USP36: variants seen among roughly 807,000 people sequenced by gnomAD.
USP36 encodes the protein ubiquitin carboxyl-terminal hydrolase 36.
A neutral mutation model predicts 111.5 loss-of-function variants in USP36; 59 were observed. The ratio of observed to expected loss-of-function variants is 0.53; its 90% CI spans 0.43 to 0.66. USP36 has a LOEUF of 0.66. Among genes scored for constraint, USP36 ranks in the 30% least tolerant of loss-of-function variants. The pLI, the probability that USP36 is intolerant of heterozygous loss-of-function variation, is 0.00. For missense variants in USP36, 1,488 were observed against 1,468.0 expected, an observed-to-expected ratio of 1.01 and a Z score of -0.22; for synonymous variants, 628 against 581.0, an observed-to-expected ratio of 1.08 and a Z score of -1.16.
intron 10 of USP36, among the ~76,000 whole-genome samples, chr17:78,815,908 A>ACATGCATACG (rs1490149762): frequency 6.6e-6 from 1 of 152,126 alleles, no homozygotes; most frequent in Non-Finnish European, 1.5e-5. Flanking sequence ...ATGCACGCAC[A>ACATGCATACG]CATGCATACG....
At chr17:78,810,215 C>T (rs1362707639) in intron 13 of USP36, among the ~76,000 whole-genome samples, 3 of 152,096 alleles carry the variant, frequency 2.0e-5, no homozygotes, top group Admixed American at 6.6e-5. Flanking sequence ...CTCAACCTCC[C>T]GGGTTCAAGT....
intron 14 of USP36, 148 bp from the exon 15 acceptor site, chr17:78,806,434 G>A: frequency 1.0e-6 from 1 of 998,156 alleles, no homozygotes. Context: ...AAAAGGGGAG[G>A]TGAGGGGCAG....
At chr17:78,821,648 G>A (rs2094334576) in intron 7 of USP36, among the ~76,000 whole-genome samples, 1 of 151,782 alleles carries the variant, frequency 6.6e-6, no homozygotes, top group African/African-American at 2.4e-5. Context: ...TGGTTGGCCA[G>A]GCTGGCCTCG....
intron 13 of USP36, 100 bp downstream of exon 13, chr17:78,812,760 C>T: frequency 7.6e-7 from 1 of 1,317,680 alleles, no homozygotes; most frequent in Non-Finnish European, 1.1e-6. Context: ...GTGCAAACTG[C>T]CTGCAAATTC....
rs2279308 is a variant in USP36, at chr17:78,798,899, A to G, written c.3240+9T>C. On this transcript the variant is annotated intron_variant, in intron 19 of 20. Coordinates refer to ENST00000449938, the MANE Select transcript of USP36 (RefSeq NM_001385174.1). The surrounding 1 kb of genome is among the most constrained non-coding windows in gnomAD (Gnocchi z 5.1). ...CCCTCAAGCCTGTGGTCAGCATCAC[A>G]CATCATACCTTCCCTCGGTCAAACT... 0.57 allele frequency: 922,426 copies of G among 1,613,272 alleles called. 265,255 individuals carry two copies. Among genetic ancestry groups the G allele is most frequent in the East Asian group, 0.61 (27,518 of 44,844 alleles).
intron 13 of USP36, 133 bp downstream of exon 13, chr17:78,812,727 A>G (rs1466547592): frequency 2.3e-6 from 2 of 861,990 alleles, no homozygotes; most frequent in Non-Finnish European, 3.3e-6. Flanking sequence ...AAGAAAAGAA[A>G]AGAAATAACA....
intron 7 of USP36, 41 bp downstream of exon 7, chr17:78,821,896 T>G (rs9910933): frequency 6.2e-7 from 1 of 1,611,492 alleles, no homozygotes; most frequent in South Asian, 1.1e-5. Context: ...GTTCATGTTC[T>G]AATCCTGGCA....
chr17:78,820,353 T>C (rs964334455), intron 8 of USP36, among the ~76,000 whole-genome samples: 4 of 152,130 alleles, frequency 2.6e-5, no homozygotes, highest in African/African-American at 9.7e-5. Context: ...GGTGCATGCC[T>C]GTAGTACCAG....
chr17:78,799,333 A>G (rs1286600139), intron 18 of USP36, among the ~76,000 whole-genome samples: 1 of 152,202 alleles, frequency 6.6e-6, no homozygotes, highest in African/African-American at 2.4e-5. Context: ...GAATAAAAAC[A>G]TGCTCTGAGC....
chr17:78,789,300 C>T (rs1017723423), intron 3 of USP36, among the ~76,000 whole-genome samples: 6 of 151,362 alleles, frequency 4.0e-5, no homozygotes, highest in South Asian at 4.2e-4. Flanking sequence ...TGAGACCAAG[C>T]GAAAGGTATG....
downstream of USP36, among the ~76,000 whole-genome samples, chr17:78,795,260 T>C (rs2093613174): frequency 6.6e-6 from 1 of 152,198 alleles, no homozygotes; most frequent in Non-Finnish European, 1.5e-5. The surrounding 1 kb of genome is among the most constrained non-coding windows in gnomAD (Gnocchi z 4.5). Flanking sequence ...TACTTGGCTG[T>C]CCTCATTTTG....
At chr17:78,826,761 G>A (rs956345562) in intron 6 of USP36, 3 of 268,090 alleles carry the variant, frequency 1.1e-5, no homozygotes, top group Non-Finnish European at 2.2e-5. Context: ...GCCAGGCACA[G>A]TCAGATCCTA....
rs1348453366 is a variant in USP36, at chr17:78,796,871, G to GA, written c.*1028dup. 6.6e-6 allele frequency: 1 copy of GA among 152,238 alleles called. No individual in the cohort carries two copies. Among genetic ancestry groups the GA allele is most frequent in the Non-Finnish European group, 1.5e-5 (1 of 68,048 alleles). 9.4% of individuals were successfully genotyped at this position (152,238 alleles called of 1,614,324 possible). A position where few individuals can be genotyped will look rare whatever the true frequency, so the allele number is the denominator to read the frequency against. ...CTATGAGGGCATTTGTCTTTTTCCT[G>GA]AAAATATCACCTTCTCTGAGGATTT... On this transcript the variant is annotated 3_prime_UTR_variant, in exon 21 of 21. Coordinates refer to ENST00000449938, the MANE Select transcript of USP36 (RefSeq NM_001385174.1).
chr17:78,798,922 A>G lies in USP36; in HGVS notation c.3226T>C (p.Phe1076Leu), dbSNP rs140076085. ...ACACATCATACCTTCCCTCGGTCAA[A>G]CTCTTCGTCCCAGTCATCAACCACG... ...ETVVDDWDEE[F>L]DRGKEKKIKK... The change falls in exon 19 of 21, where the codon TTT becomes CTT. Residue 1076 changes from phenylalanine to leucine, a missense_variant. Transcript: ENST00000449938. The surrounding 1 kb of genome is among the most constrained non-coding windows in gnomAD (Gnocchi z 5.1). 309 of 1,613,612 alleles carry G rather than the reference A, an allele frequency of 1.9e-4. No homozygotes were observed. Among genetic ancestry groups the G allele is most frequent in the Non-Finnish European group, 1.7e-4 (196 of 1,179,950 alleles).
At position 78,803,013 on chromosome 17, in the gene USP36, A is replaced by C. The variant is rs190215172; in HGVS notation, c.2810+372T>G. 2.0e-5 allele frequency among the ~76,000 whole-genome samples: 3 copies of C among 152,030 alleles called. No individual in the cohort carries two copies. The highest frequency in any genetic ancestry group is 7.2e-5 in the African/African-American group (3 of 41,458). Reference sequence around the variant, plus strand: ...TAGTGCAGTGACGCGATCTCAGCTCACTGCAACCTCCACCTCCTGGGCTCA... The same window carrying C: ...TAGTGCAGTGACGCGATCTCAGCTCCCTGCAACCTCCACCTCCTGGGCTCA... On this transcript the variant is annotated intron_variant, in intron 16 of 20. Transcript: ENST00000449938. This position sits in a 1 kb window ranked among gnomAD's most constrained non-coding sequence, Gnocchi z 4.6.
At chr17:78,826,487 A>G (rs781230007) in intron 6 of USP36, 1 of 152,354 alleles carries the variant, frequency 6.6e-6, no homozygotes, top group Non-Finnish European at 1.5e-5. Context: ...TTACGTAAGA[A>G]TATCATCCAC....
Position 78,803,961 on chromosome 17 carries a change from G to A in USP36, c.2234C>T (p.Pro745Leu). 6.3e-7 allele frequency: 1 copy of A among 1,598,048 alleles called. No homozygotes were observed. The highest frequency in any genetic ancestry group is 8.5e-7 in the Non-Finnish European group (1 of 1,175,998). The change falls in exon 16 of 21, where the codon CCC (proline) becomes CTC (leucine). Residue 745 changes from proline to leucine, a missense_variant. Around this residue, in one of 3 missense-constraint regions of USP36, gnomAD observed 1,073 missense variants for 994.1 expected, o/e 1.08. Coordinates refer to ENST00000449938, the MANE Select transcript of USP36 (RefSeq NM_001385174.1). The surrounding 1 kb of genome is among the most constrained non-coding windows in gnomAD (Gnocchi z 4.6). ...GGGTTGCAGGCGGCTGGATGATTGG[G>A]GAGCAGGTGACACAGCCCTGTGGGG... ...VHRARAVSPA[P>L]QSSSRLQPPF...
Position 78,818,787 on chromosome 17 carries a change from A to G in USP36, c.912-9T>C, listed in dbSNP as rs768387211. ...GAACCTTCTTCTTGCATCTATGAAG[A>G]AGGTGATGAGAAAGATTAATGAATG... On this transcript the variant is annotated splice_polypyrimidine_tract_variant and intron_variant, in intron 9 of 20. Coordinates refer to ENST00000449938, the MANE Select transcript of USP36 (RefSeq NM_001385174.1). The G allele has an allele frequency of 1.9e-6, 3 of 1,612,484 alleles. No homozygotes were observed. The highest frequency in any genetic ancestry group is 1.7e-6 in the Non-Finnish European group (2 of 1,178,648).
rs1391999486 is a variant in USP36 at position 78,825,824 on chromosome 17, G to A, written c.689+1421C>T. On this transcript the variant is annotated intron_variant, in intron 6 of 20. Coordinates refer to ENST00000449938, the MANE Select transcript of USP36 (RefSeq NM_001385174.1). ...TCCCCCTGCAGGTGCTGGGGACACC[G>A]CAACCCTCCTCCTGGGGACACCTAC... Among the ~76,000 whole-genome samples the A allele has an allele frequency of 3.3e-5, 5 of 152,282 alleles. No individual in the cohort carries two copies. The East Asian group carries it at 7.7e-4, about 23-fold the overall frequency.
Sources: gnomAD v4.1 joint callset for allele counts (sites outside exome capture counted in the v4.1 genomes callset) on GRCh38, gnomAD v4.1.1 for gene constraint, gnomAD v4.1.1 regional missense constraint, Gnocchi (gnomAD v3.1) non-coding constraint, MANE v1.5 for transcripts, NCBI Gene and HGNC (gene_info 2026-07-23, HGNC 2026-07-21) for gene names.